The following DNAJC24 variants were observed in gnomAD, a reference collection of about 807,000 sequenced individuals.
DNAJC24 encodes DnaJ heat shock protein family (Hsp40) member C24.
Under a neutral mutation model 18.0 loss-of-function variants are expected in DNAJC24, and 17 were observed. The observed-to-expected ratio is 0.94, with a 90% CI of 0.65 to 1.42. The LOEUF (loss-of-function observed/expected upper bound fraction) is 1.42. Among genes scored for constraint, DNAJC24 ranks in the 40% most tolerant of loss-of-function variants. DNAJC24 has a pLI of 0.00. For missense variants in DNAJC24, 158 were observed against 175.6 expected, an observed-to-expected ratio of 0.90 and a Z score of 0.57; for synonymous variants, 55 against 57.7, an observed-to-expected ratio of 0.95 and a Z score of 0.21.
At chr11:31,393,192 CT>C (rs1952515327) in intron 2 of DNAJC24, among the ~76,000 whole-genome samples, 1 of 152,188 alleles carries the variant, frequency 6.6e-6, no homozygotes, top group Non-Finnish European at 1.5e-5. Flanking sequence ...CTTTCTACCC[CT>C]AACCAGAGAT....
intron 2 of DNAJC24, among the ~76,000 whole-genome samples, chr11:31,411,975 G>A (rs1952714608): frequency 6.6e-6 from 1 of 152,136 alleles, no homozygotes; most frequent in African/African-American, 2.4e-5. Flanking sequence ...CTTGCTATAA[G>A]TGTCATTTTT....
intron 3 of DNAJC24, among the ~76,000 whole-genome samples, chr11:31,421,483 G>A (rs976590321): frequency 3.9e-5 from 6 of 152,134 alleles, no homozygotes; most frequent in South Asian, 2.1e-4. Flanking sequence ...TGGCATTGCC[G>A]CACATGAATA....
chr11:31,428,678 T>A (rs1952889568), intron 4 of DNAJC24, among the ~76,000 whole-genome samples: 1 of 152,106 alleles, frequency 6.6e-6, no homozygotes, highest in South Asian at 2.1e-4. Context: ...CATATGTGAG[T>A]TGTTCAGATA....
intron 2 of DNAJC24, among the ~76,000 whole-genome samples, chr11:31,406,296 G>A (rs930799077): frequency 6.6e-6 from 1 of 152,182 alleles, no homozygotes; most frequent in Non-Finnish European, 1.5e-5. Flanking sequence ...GAGAGAAAAG[G>A]CACTTAAGTG....
intron 2 of DNAJC24, among the ~76,000 whole-genome samples, chr11:31,401,535 GC>G (rs974341093): frequency 6.9e-6 from 1 of 144,068 alleles, no homozygotes; most frequent in Non-Finnish European, 1.5e-5. Flanking sequence ...CTTCCCCTCC[GC>G]CCCCCCACTT....
chr11:31,403,649 A>G (rs12272996), intron 2 of DNAJC24, among the ~76,000 whole-genome samples: 63,820 of 152,080 alleles, frequency 0.42, 14,393 homozygotes, highest in African/African-American at 0.58. Context: ...AAAGAAATAC[A>G]GTCAGAGTTC....
At chr11:31,417,516 GTTTGT>G in intron 3 of DNAJC24, among the ~76,000 whole-genome samples, 1 of 152,072 alleles carries the variant, frequency 6.6e-6, no homozygotes, top group East Asian at 1.9e-4. Flanking sequence ...GAGAGAGAGA[GTTTGT>G]TATAACCAGG....
rs1591926070 is a variant in DNAJC24, at chr11:31,430,573, T to A, written c.*172T>A. The stretch of plus-strand genomic sequence containing the variant: ...ATTAATAGAGAATGAATATAATTAT[T>A]TATTTGTATTTATAATTTATATTTA... On this transcript the variant is annotated 3_prime_UTR_variant, in exon 5 of 5. Coordinates refer to ENST00000465995, the MANE Select transcript of DNAJC24 (RefSeq NM_181706.5). 3.1e-6 allele frequency: 1 copy of A among 320,652 alleles called. No individual in the cohort carries two copies. Among genetic ancestry groups the A allele is most frequent in the East Asian group, 5.5e-5 (1 of 18,212 alleles). 19.9% of individuals were successfully genotyped at this position (320,652 alleles called of 1,614,324 possible). A position where few individuals can be genotyped will look rare whatever the true frequency, so the allele number is the denominator to read the frequency against.
At chr11:31,399,602 C>T (rs945301684) in intron 2 of DNAJC24, among the ~76,000 whole-genome samples, 6 of 151,654 alleles carry the variant, frequency 4.0e-5, no homozygotes, top group African/African-American at 9.7e-5. Flanking sequence ...TTAGTAGAGA[C>T]GGGATTCCAA....
chr11:31,408,297 AGAGATT>A, intron 2 of DNAJC24: 1 of 426,874 alleles, frequency 2.3e-6, no homozygotes, highest in Non-Finnish European at 4.7e-6. Flanking sequence ...TTGGTGAAAC[AGAGATT>A]CTGGAGTCCT....
chr11:31,419,265 G>C (rs537865734), intron 3 of DNAJC24, among the ~76,000 whole-genome samples: 8 of 151,994 alleles, frequency 5.3e-5, no homozygotes, highest in Non-Finnish European at 1.2e-4. Context: ...TAAGCATCGG[G>C]GGGTATGTTT....
At chr11:31,381,493 T>C (rs1952376088) in intron 2 of DNAJC24, among the ~76,000 whole-genome samples, 1 of 152,140 alleles carries the variant, frequency 6.6e-6, no homozygotes. Context: ...GTGTGTAGGA[T>C]AAGTGTCTGG....
At chr11:31,415,468 A>T (rs979453839) in intron 3 of DNAJC24, 3 of 152,242 alleles carry the variant, frequency 2.0e-5, no homozygotes, top group African/African-American at 7.2e-5. Context: ...TTACCTAAGC[A>T]ATTTTAAAAG....
intron 2 of DNAJC24, among the ~76,000 whole-genome samples, chr11:31,401,129 C>G (rs190043352): frequency 6.6e-6 from 1 of 152,260 alleles, no homozygotes; most frequent in East Asian, 1.9e-4. Flanking sequence ...TGAAAAAAAG[C>G]TCATCATCAC....
chr11:31,414,193 A>G (rs1374980050), intron 2 of DNAJC24, among the ~76,000 whole-genome samples: 1 of 152,172 alleles, frequency 6.6e-6, no homozygotes, highest in African/African-American at 2.4e-5. Context: ...TTTACATCCA[A>G]ATGTTTGAAT....
intron 2 of DNAJC24, among the ~76,000 whole-genome samples, chr11:31,392,950 C>G (rs758264157): frequency 1.3e-5 from 2 of 152,098 alleles, no homozygotes; most frequent in Non-Finnish European, 2.9e-5. Flanking sequence ...TGCCACGCCT[C>G]CCTTACTTCT....
intron 2 of DNAJC24, among the ~76,000 whole-genome samples, chr11:31,402,582 AACTC>A (rs1323266605): frequency 3.3e-5 from 5 of 152,124 alleles, no homozygotes; most frequent in Non-Finnish European, 7.4e-5. Context: ...GATCATAACT[AACTC>A]CAGCGTCAAC....
At chr11:31,400,074 C>T (rs1952585513) in intron 2 of DNAJC24, among the ~76,000 whole-genome samples, 1 of 152,112 alleles carries the variant, frequency 6.6e-6, no homozygotes, top group Admixed American at 6.5e-5. Flanking sequence ...ATCCATGTCC[C>T]TGCAAAGGAC....
intron 2 of DNAJC24, among the ~76,000 whole-genome samples, chr11:31,400,477 A>G (rs1010231783): frequency 9.9e-5 from 15 of 152,218 alleles, no homozygotes; most frequent in South Asian, 6.2e-4. Flanking sequence ...ACTTCAAACT[A>G]TACTACAAGG....
Sources: gnomAD v4.1 joint callset for allele counts (sites outside exome capture counted in the v4.1 genomes callset) on GRCh38, gnomAD v4.1.1 for gene constraint, MANE v1.5 for transcripts, NCBI Gene and HGNC (gene_info 2026-07-23, HGNC 2026-07-21) for gene names.